Variants in AKAP13 observed in about 807,000 individuals in gnomAD.
AKAP13 encodes the protein A-kinase anchor protein 13.
In AKAP13, 80 loss-of-function variants were observed where a neutral mutation model predicts 264.5. That is an observed-to-expected ratio of 0.30 (90% CI 0.25 to 0.36). The LOEUF (loss-of-function observed/expected upper bound fraction) is 0.36. Among genes scored for constraint, AKAP13 ranks in the 10% least tolerant of loss-of-function variants. The pLI is 1.00. For missense variants in AKAP13, 3,712 were observed against 3,435.2 expected (o/e 1.08, Z -2.01); for synonymous variants, 1,380 against 1,250.2 (o/e 1.10, Z -2.19).
chr15:85,621,299 A>G (rs987607342), intron 8 of AKAP13: 1 of 152,148 alleles, frequency 6.6e-6, no homozygotes, highest in Non-Finnish European at 1.5e-5. Context: ...GTCTCTCCAT[A>G]ATCACTGTCA....
At chr15:85,524,526 T>C (rs568348910) in intron 3 of AKAP13, among the ~76,000 whole-genome samples, 1 of 152,248 alleles carries the variant, frequency 6.6e-6, no homozygotes, top group South Asian at 2.1e-4. Flanking sequence ...TCCAGATTGC[T>C]GGCTCTGATT....
At chr15:85,453,299 G>A (rs949031965) in intron 1 of AKAP13, among the ~76,000 whole-genome samples, 1 of 152,192 alleles carries the variant, frequency 6.6e-6, no homozygotes, top group African/African-American at 2.4e-5. Flanking sequence ...GGTGGCTGGA[G>A]CCCCAGGCTT....
At chr15:85,592,046 CTTTTTTT>C (rs386383662) in intron 8 of AKAP13, among the ~76,000 whole-genome samples, 1 of 105,268 alleles carries the variant, frequency 9.5e-6, no homozygotes, top group Non-Finnish European at 1.9e-5. Context: ...GAACCATGAT[CTTTTTTT>C]TTTTTTTTTT....
intron 2 of AKAP13, chr15:85,520,592 A>T (rs553652738): frequency 5.9e-6 from 3 of 509,950 alleles, no homozygotes; most frequent in African/African-American, 5.9e-5. Flanking sequence ...TTGGCTCAAG[A>T]TTTTTGTCTG....
Position 85,515,445 on chromosome 15 carries a change from G to A in AKAP13, c.34-5983G>A, listed in dbSNP as rs2076568787. Among the ~76,000 whole-genome samples the A allele has an allele frequency of 1.4e-5, 2 of 138,318 alleles. 1 individual carries two copies. Among genetic ancestry groups the A allele is most frequent in the Admixed American group, 1.5e-4 (2 of 13,748 alleles). 90.7% of individuals were successfully genotyped at this position (138,318 alleles called of 152,430 possible). ...AACAAAGGTGTTCTTTCATAACCAC[G>A]GCACAATACCAAAACCAGGAATTTT... On this transcript the variant is annotated intron_variant, in intron 2 of 36. Transcript: ENST00000394518.
intron 1 of AKAP13, among the ~76,000 whole-genome samples, chr15:85,469,674 A>G (rs1484804992): frequency 6.6e-6 from 1 of 152,240 alleles, no homozygotes; most frequent in Non-Finnish European, 1.5e-5. Flanking sequence ...ATAAGTGTGC[A>G]CATAGACTTT....
At position 85,719,110 on chromosome 15, in the gene AKAP13, T is replaced by G; in HGVS notation, c.6036T>G (p.Thr2012=). The G allele has an allele frequency of 6.2e-7, 1 of 1,614,124 alleles. No individual in the cohort carries two copies. The highest frequency in any genetic ancestry group is 8.5e-7 in the Non-Finnish European group (1 of 1,180,030). The change falls in exon 23 of 37, where the codon ACT becomes ACG. Residue 2012 remains threonine, a synonymous_variant. Coordinates refer to ENST00000394518, the MANE Select transcript of AKAP13 (RefSeq NM_007200.5). ...AGACAGAGTTTCATCATGTCCGCAC[T>G]CTCAAGATCATGAGTGGTGTGTACA... is the stretch of plus-strand genomic sequence containing the variant. ...LMQTEFHHVR[T]LKIMSGVYSQ...
chr15:85,576,277 G>C (rs188498037), intron 6 of AKAP13, among the ~76,000 whole-genome samples: 2 of 152,204 alleles, frequency 1.3e-5, no homozygotes, highest in Non-Finnish European at 2.9e-5. Context: ...CAAAGAACAA[G>C]AACCAAATTT....
At chr15:85,673,569 C>T (rs115213727) in intron 14 of AKAP13, among the ~76,000 whole-genome samples, 30 of 151,358 alleles carry the variant, frequency 2.0e-4, no homozygotes, top group African/African-American at 5.6e-4. Context: ...TCCCACTGTG[C>T]TGGGAAACAT....
chr15:85,599,273 G>C (rs966613697), intron 8 of AKAP13, among the ~76,000 whole-genome samples: 3 of 152,254 alleles, frequency 2.0e-5, no homozygotes, highest in African/African-American at 7.2e-5. Context: ...GTACCTGCAA[G>C]CTGTGAGAAG....
chr15:85,405,514 CTTTA>C (rs1161514737), intron 1 of AKAP13, among the ~76,000 whole-genome samples: 7 of 152,234 alleles, frequency 4.6e-5, no homozygotes, highest in African/African-American at 7.2e-5. Context: ...TTGAAGGAAA[CTTTA>C]TTTATTTATT....
At chr15:85,685,026 A>T in intron 16 of AKAP13, 153 bp downstream of exon 16, 1 of 968,174 alleles carries the variant, frequency 1.0e-6, no homozygotes, top group South Asian at 2.0e-5. Context: ...GGAAAATAAT[A>T]AGAAGAAAAA....
At chr15:85,599,024 A>G (rs2079940928) in intron 8 of AKAP13, among the ~76,000 whole-genome samples, 1 of 152,160 alleles carries the variant, frequency 6.6e-6, no homozygotes, top group African/African-American at 2.4e-5. Context: ...GTTCCTTCCC[A>G]GGAGTCATTA....
rs771995158 is a variant in AKAP13, at chr15:85,579,693, C to T, written c.1625C>T (p.Ser542Phe). Reference protein sequence around the residue: ...SVPNCAPAASSLDGNKPAESS... With the variant: ...SVPNCAPAASFLDGNKPAESS... ...CCAAACTGTGCCCCTGCTGCCAGTTCCCTGGATGGTAACAAACCTGCTGAG... is the reference window on the plus strand; with the variant it reads ...CCAAACTGTGCCCCTGCTGCCAGTTTCCTGGATGGTAACAAACCTGCTGAG... Residue 542 changes from serine (S) to phenylalanine (F), a missense_variant, in exon 7 of 37, where the codon TCC (serine) becomes TTC (phenylalanine). Transcript: ENST00000394518. The T allele has an allele frequency of 3.1e-6, 5 of 1,614,070 alleles. No individual in the cohort carries two copies. Among genetic ancestry groups the T allele is most frequent in the Non-Finnish European group, 4.2e-6 (5 of 1,180,042 alleles).
At chr15:85,442,292 C>T (rs2073688217) in intron 1 of AKAP13, among the ~76,000 whole-genome samples, 1 of 149,192 alleles carries the variant, frequency 6.7e-6, no homozygotes, top group Non-Finnish European at 1.5e-5. Context: ...TGCCTGTAAT[C>T]CCAGCTACTC....
rs2071123870 is a variant in AKAP13, at chr15:85,396,587, T to C, written c.-12+15789T>C. ...TTGTCCTAGTTGTCCTGAAAGTCACTACGAACTATTCTTTTTAGTGATTTT... is the reference window on the plus strand; with the variant it reads ...TTGTCCTAGTTGTCCTGAAAGTCACCACGAACTATTCTTTTTAGTGATTTT... On this transcript the variant is annotated intron_variant, in intron 1 of 36. Transcript: ENST00000394518. Among the ~76,000 whole-genome samples the C allele has an allele frequency of 1.3e-5, 2 of 152,164 alleles. 1 individual carries two copies. The highest frequency in any genetic ancestry group is 4.1e-4 in the South Asian group (2 of 4,834).
At chr15:85,432,918 T>C (rs574495242) in intron 1 of AKAP13, among the ~76,000 whole-genome samples, 3 of 152,020 alleles carry the variant, frequency 2.0e-5, no homozygotes, top group South Asian at 4.2e-4. Flanking sequence ...CCCAGGTATA[T>C]AGGTGATGGT....
chr15:85,653,245 C>T (rs1341469576), intron 10 of AKAP13, among the ~76,000 whole-genome samples: 2 of 152,142 alleles, frequency 1.3e-5, no homozygotes, highest in African/African-American at 4.8e-5. Context: ...TTTTCTGATA[C>T]TGACTTTGAT....
chr15:85,599,515 G>C (rs1024816983), intron 8 of AKAP13, among the ~76,000 whole-genome samples: 26 of 152,156 alleles, frequency 1.7e-4, no homozygotes, highest in African/African-American at 6.3e-4. Flanking sequence ...CAGAGTTACC[G>C]TGTATCTCTA....
Sources: allele counts gnomAD v4.1 joint callset (sites outside exome capture counted in the v4.1 genomes callset), GRCh38; gene constraint gnomAD v4.1.1; transcripts MANE v1.5; gene names NCBI Gene and HGNC (gene_info 2026-07-23, HGNC 2026-07-21).